The following ARSB variants were observed in gnomAD, a reference collection of about 807,000 sequenced individuals.
The protein encoded by ARSB is arylsulfatase B, also known as N-acetylgalactosamine-4-sulfatase.
In ARSB, 41 loss-of-function variants were observed where a neutral mutation model predicts 50.9. The ratio of observed to expected loss-of-function variants is 0.81; its 90% CI spans 0.63 to 1.04. The LOEUF is 1.04. Ranked by LOEUF, ARSB falls within the 50% of genes least tolerant of loss-of-function variation. ARSB has a pLI of 0.00. For synonymous variants in ARSB, 269 were observed against 284.8 expected (o/e 0.94, Z 0.56); for missense variants, 672 against 693.3 (o/e 0.97, Z 0.35).
At position 78,984,678 on chromosome 5, in the gene ARSB, C is replaced by G. The variant is rs1043269312; in HGVS notation, c.312+259G>C. On this transcript the variant is annotated intron_variant, in intron 1 of 7. Coordinates refer to ENST00000264914, the MANE Select transcript of ARSB (RefSeq NM_000046.5). The stretch of plus-strand genomic sequence containing the variant: ...CCCCTTCGCCCGGAGCTTCAGAAAA[C>G]GAAAGACAAAGCCACCCGCCCAACC... Among the ~76,000 whole-genome samples the G allele has an allele frequency of 4.6e-5, 7 of 152,224 alleles. No individual in the cohort carries two copies. In the East Asian group the frequency reaches 7.7e-4, roughly 17 times the overall value.
chr5:78,784,060 T>C (rs6871810), intron 6 of ARSB, among the ~76,000 whole-genome samples: 38,462 of 152,126 alleles, frequency 0.25, 6,675 homozygotes, highest in African/African-American at 0.49. Context: ...TCCTTTGTTC[T>C]TATCCTCAAA....
chr5:78,983,849 G>T (rs145622383), intron 1 of ARSB, among the ~76,000 whole-genome samples: 51 of 152,230 alleles, frequency 3.4e-4, no homozygotes, highest in African/African-American at 1.1e-3. Flanking sequence ...CACTTGGGAG[G>T]GCAACATTCA....
intron 6 of ARSB, among the ~76,000 whole-genome samples, chr5:78,808,516 C>A (rs1743667144): frequency 6.6e-6 from 1 of 152,122 alleles, no homozygotes; most frequent in South Asian, 2.1e-4. Context: ...GCATGACCTC[C>A]TGGGTGGCTG....
rs371403783 is a variant in ARSB at position 78,873,641 on chromosome 5, G to A, written c.1142+11943C>T. On this transcript the variant is annotated intron_variant, in intron 5 of 7. Coordinates refer to ENST00000264914, the MANE Select transcript of ARSB (RefSeq NM_000046.5). ...CTCCCAAGGAGCTGGGACTACAGGC[G>A]CCCGCCACTACGCCCGGCTAATTTT... is the stretch of plus-strand genomic sequence containing the variant. Among the ~76,000 whole-genome samples the A allele has an allele frequency of 1.3e-4, 19 of 149,142 alleles. No individual in the cohort carries two copies. The East Asian group carries it at 1.4e-3, about 11-fold the overall frequency.
chr5:78,838,374 G>A (rs1352481198), intron 6 of ARSB, among the ~76,000 whole-genome samples: 1 of 152,242 alleles, frequency 6.6e-6, no homozygotes, highest in Non-Finnish European at 1.5e-5. Flanking sequence ...TCTAGGAAGT[G>A]AGAACATGAC....
chr5:78,806,258 C>T (rs1743557911), intron 6 of ARSB, among the ~76,000 whole-genome samples: 1 of 152,188 alleles, frequency 6.6e-6, no homozygotes, highest in Non-Finnish European at 1.5e-5. Flanking sequence ...AACAAAGTCA[C>T]AGTGTCCCCT....
intron 6 of ARSB, among the ~76,000 whole-genome samples, chr5:78,800,691 A>G (rs550324021): frequency 1.3e-5 from 2 of 152,332 alleles, no homozygotes; most frequent in East Asian, 3.9e-4. Flanking sequence ...GCTTAGAATG[A>G]ATTGGGAGAA....
chr5:78,916,366 C>A (rs921032166), intron 4 of ARSB, among the ~76,000 whole-genome samples: 8 of 152,192 alleles, frequency 5.3e-5, no homozygotes, highest in South Asian at 4.1e-4. Context: ...GGCACACAGA[C>A]AAACTGTCTT....
chr5:78,945,255 C>T (rs1045695164), intron 4 of ARSB, among the ~76,000 whole-genome samples: 1 of 152,306 alleles, frequency 6.6e-6, no homozygotes, highest in Admixed American at 6.5e-5. Flanking sequence ...CCCTGCTTTG[C>T]CTCAGGCTCA....
At chr5:78,784,048 T>C (rs1271948273) in intron 6 of ARSB, among the ~76,000 whole-genome samples, 1 of 152,164 alleles carries the variant, frequency 6.6e-6, no homozygotes, top group African/African-American at 2.4e-5. Flanking sequence ...GAAGTTGAAG[T>C]CTCCTTTGTT....
intron 5 of ARSB, among the ~76,000 whole-genome samples, chr5:78,850,125 TC>T (rs1185112479): frequency 6.6e-6 from 1 of 152,012 alleles, no homozygotes; most frequent in Admixed American, 6.5e-5. Context: ...AGAGAGGGCA[TC>T]CCTGTCTTGT....
chr5:78,780,458 A>C lies in ARSB; in HGVS notation c.1541T>G (p.Phe514Cys). The change falls in exon 8 of 8, where the codon TTC becomes TGC. Residue 514 changes from phenylalanine (F) to cysteine (C), a missense_variant. Physicochemically the swap from Phe to Cys is radical, Grantham distance 205. Transcript: ENST00000264914. ...FYHKHSVPVY[F>C]PAQDPRCDPK... ...ATCACAGCGGGGGTCCTGTGCAGGG[A>C]AGTACACGGGGACTGAGTGTTTATG... 6.2e-7 allele frequency: 1 copy of C among 1,614,120 alleles called. No individual in the cohort carries two copies. The highest frequency in any genetic ancestry group is 8.5e-7 in the Non-Finnish European group (1 of 1,180,018).
At chr5:78,864,426 G>A (rs756711683) in intron 5 of ARSB, among the ~76,000 whole-genome samples, 1 of 152,080 alleles carries the variant, frequency 6.6e-6, no homozygotes, top group Non-Finnish European at 1.5e-5. Flanking sequence ...TCACTACCAC[G>A]AGAACAGTAT....
At chr5:78,933,995 A>T (rs1750470188) in intron 4 of ARSB, among the ~76,000 whole-genome samples, 1 of 152,216 alleles carries the variant, frequency 6.6e-6, no homozygotes. Flanking sequence ...AGGTGGAAGG[A>T]GAAAGTCAAA....
chr5:78,820,088 C>T (rs1275482330), intron 6 of ARSB, among the ~76,000 whole-genome samples: 1 of 152,178 alleles, frequency 6.6e-6, no homozygotes, highest in Non-Finnish European at 1.5e-5. Context: ...TTTGTCCCTT[C>T]TGCCACGTGA....
intron 6 of ARSB, among the ~76,000 whole-genome samples, chr5:78,823,933 G>T (rs1399544693): frequency 2.0e-5 from 3 of 152,056 alleles, no homozygotes; most frequent in African/African-American, 7.3e-5. Context: ...ATCTCATGTT[G>T]AAATGTGATC....
In ARSB at chr5:78,839,357, C is replaced by G. The variant is rs143071401; in HGVS notation, c.1212G>C (p.Pro404=). The change falls in exon 6 of 8, where the codon CCG becomes CCC. Residue 404 remains proline (P), a splice_region_variant and synonymous_variant. Coordinates refer to ENST00000264914, the MANE Select transcript of ARSB (RefSeq NM_000046.5). ...TAGTAGCAATGCACTGGTACTCACA[C>G]GGTGAAGAGTCCACGAAGTTCGGGT... ...NIDPNFVDSS[P]CPRNSMAPAK... is the part of the protein sequence containing the mutation. 1.1e-5 allele frequency: 17 copies of G among 1,613,194 alleles called. No individual in the cohort carries two copies. In the African/African-American group the frequency reaches 1.2e-4, roughly 11 times the overall value.
At chr5:78,905,021 A>G (rs1748984974) in intron 4 of ARSB, among the ~76,000 whole-genome samples, 1 of 152,140 alleles carries the variant, frequency 6.6e-6, no homozygotes, top group Non-Finnish European at 1.5e-5. Context: ...ATCTATCTTG[A>G]AGTTCACCGA....
chr5:78,923,334 G>GCA (rs1015186613), intron 4 of ARSB, among the ~76,000 whole-genome samples: 1 of 152,232 alleles, frequency 6.6e-6, no homozygotes, highest in African/African-American at 2.4e-5. Flanking sequence ...CCTGGGTTAT[G>GCA]CACATGTGAG....
Sources: allele counts gnomAD v4.1 joint callset (sites outside exome capture counted in the v4.1 genomes callset), GRCh38; gene constraint gnomAD v4.1.1; transcripts MANE v1.5; gene names NCBI Gene and HGNC (gene_info 2026-07-23, HGNC 2026-07-21).